TSHZ2: variants seen among roughly 807,000 people sequenced by gnomAD.
TSHZ2 encodes the protein teashirt zinc finger homeobox 2.
A neutral mutation model predicts 74.4 loss-of-function variants in TSHZ2; 21 were observed. That is an observed-to-expected ratio of 0.28 (90% CI 0.20 to 0.41). The LOEUF is 0.41. TSHZ2 is among the 10% of genes least tolerant of loss of function. The pLI, the probability that TSHZ2 is intolerant of heterozygous loss-of-function variation, is 1.00. For synonymous variants in TSHZ2, 540 were observed against 515.3 expected (o/e 1.05, Z -0.65); for missense variants, 1,244 against 1,293.5 (o/e 0.96, Z 0.59).
At chr20:53,394,435 C>T (rs1982369822) in intron 2 of TSHZ2, among the ~76,000 whole-genome samples, 1 of 152,216 alleles carries the variant, frequency 6.6e-6, no homozygotes, top group African/African-American at 2.4e-5. Flanking sequence ...AAGGTTGCTA[C>T]AGTTACAACT....
chr20:53,241,209 G>A (rs987503180), intron 1 of TSHZ2, among the ~76,000 whole-genome samples: 1 of 152,158 alleles, frequency 6.6e-6, no homozygotes, highest in African/African-American at 2.4e-5. Context: ...TCTCCAAACT[G>A]TCCATTCAAA....
chr20:53,103,548 G>C (rs1429649640), intron 1 of TSHZ2, among the ~76,000 whole-genome samples: 2 of 151,940 alleles, frequency 1.3e-5, no homozygotes, highest in Non-Finnish European at 2.9e-5. Context: ...GCTTCAGCTT[G>C]GTTTTGAAAC....
intron 1 of TSHZ2, among the ~76,000 whole-genome samples, chr20:53,019,434 G>T (rs1983155344): frequency 6.6e-6 from 1 of 152,122 alleles, no homozygotes; most frequent in Admixed American, 6.5e-5. Context: ...CTGGGACAAG[G>T]CTCAAACTTC....
intron 2 of TSHZ2, among the ~76,000 whole-genome samples, chr20:53,340,741 G>A (rs1980164372): frequency 6.6e-6 from 1 of 152,280 alleles, no homozygotes; most frequent in African/African-American, 2.4e-5. Flanking sequence ...TGAAGCTCCT[G>A]TAATGTAACA....
intron 2 of TSHZ2, among the ~76,000 whole-genome samples, chr20:53,440,546 G>T (rs1458333470): frequency 2.0e-5 from 3 of 152,094 alleles, no homozygotes; most frequent in Admixed American, 6.6e-5. Context: ...CTCAGGCATT[G>T]TTCTAAGTTC....
chr20:53,144,461 T>A (rs1468394399), intron 1 of TSHZ2, among the ~76,000 whole-genome samples: 4 of 152,204 alleles, frequency 2.6e-5, no homozygotes. Flanking sequence ...ACTGTAATAA[T>A]TTTCTCAGTT....
At chr20:53,349,885 C>T (rs1243143792) in intron 2 of TSHZ2, among the ~76,000 whole-genome samples, 1 of 152,144 alleles carries the variant, frequency 6.6e-6, no homozygotes, top group Non-Finnish European at 1.5e-5. Flanking sequence ...ATGTCAGCTT[C>T]GTAGAGAAAA....
intron 2 of TSHZ2, among the ~76,000 whole-genome samples, chr20:53,379,113 G>A (rs937287606): frequency 2.0e-5 from 3 of 152,208 alleles, no homozygotes; most frequent in Non-Finnish European, 4.4e-5. Context: ...CAGGCATGGT[G>A]GCACATGCCT....
rs1986479198 is a variant in TSHZ2 at position 53,492,651 on chromosome 20, A to T, written c.*5516A>T. On this transcript the variant is annotated 3_prime_UTR_variant, in exon 3 of 3. Coordinates refer to ENST00000371497, the MANE Select transcript of TSHZ2 (RefSeq NM_173485.6). The stretch of plus-strand genomic sequence containing the variant: ...CCCTTTAAAATCAAGAAGCTAGGTG[A>T]TCATACAGTCATTTCAATGGCCAAC... The T allele has an allele frequency of 6.6e-6, 1 of 152,210 alleles. No individual in the cohort carries two copies. The highest frequency in any genetic ancestry group is 1.5e-5 in the Non-Finnish European group (1 of 68,038). 9.4% of individuals were successfully genotyped at this position (152,210 alleles called of 1,614,324 possible). A position where few individuals can be genotyped will look rare whatever the true frequency, so the allele number is the denominator to read the frequency against.
At chr20:52,984,270 C>T (rs1202574702) in intron 1 of TSHZ2, among the ~76,000 whole-genome samples, 1 of 152,100 alleles carries the variant, frequency 6.6e-6, no homozygotes, top group Non-Finnish European at 1.5e-5. Context: ...CTTCCCGGAG[C>T]TTACATTGAG....
At chr20:53,005,704 G>C (rs1982617384) in intron 1 of TSHZ2, among the ~76,000 whole-genome samples, 1 of 152,194 alleles carries the variant, frequency 6.6e-6, no homozygotes, top group Non-Finnish European at 1.5e-5. Context: ...GAAGTATAAA[G>C]TAGAACAAAC....
chr20:53,168,798 C>G (rs1264274296), intron 1 of TSHZ2: 1 of 152,156 alleles, frequency 6.6e-6, no homozygotes, highest in South Asian at 2.1e-4. Flanking sequence ...TAACTGATGC[C>G]CATCACTTCT....
At chr20:53,126,189 C>G (rs1986942832) in intron 1 of TSHZ2, among the ~76,000 whole-genome samples, 1 of 152,214 alleles carries the variant, frequency 6.6e-6, no homozygotes, top group African/African-American at 2.4e-5. Context: ...CTCCTTGCAT[C>G]TAGATCTTTT....
intron 1 of TSHZ2, among the ~76,000 whole-genome samples, chr20:52,982,945 T>C (rs1243321403): frequency 6.6e-6 from 1 of 152,164 alleles, no homozygotes; most frequent in Non-Finnish European, 1.5e-5. Flanking sequence ...TAGTTGAACA[T>C]AGGTCCTGTT....
intron 1 of TSHZ2, among the ~76,000 whole-genome samples, chr20:53,161,129 G>GAAAAAA (rs1470010170): frequency 1.5e-4 from 3 of 20,022 alleles, no homozygotes; most frequent in African/African-American, 1.0e-3. Flanking sequence ...GTTATTTTCA[G>GAAAAAA]CAAAAAAAAA....
At chr20:53,434,484 A>G (rs1983967916) in intron 2 of TSHZ2, among the ~76,000 whole-genome samples, 2 of 152,236 alleles carry the variant, frequency 1.3e-5, no homozygotes, top group South Asian at 4.1e-4. Flanking sequence ...ACTAAGTACT[A>G]AACTATGTGG....
intron 1 of TSHZ2, among the ~76,000 whole-genome samples, chr20:53,086,587 T>C (rs1985706527): frequency 6.6e-6 from 1 of 152,278 alleles, no homozygotes; most frequent in Non-Finnish European, 1.5e-5. Context: ...ATGATGTATA[T>C]AGGGCAAATA....
chr20:52,975,423 C>T (rs768364268), intron 1 of TSHZ2, among the ~76,000 whole-genome samples: 1 of 152,144 alleles, frequency 6.6e-6, no homozygotes, highest in Non-Finnish European at 1.5e-5. Flanking sequence ...TCCAGGTGTA[C>T]GTAACATAAC....
intron 2 of TSHZ2, among the ~76,000 whole-genome samples, chr20:53,469,547 A>C (rs1050141956): frequency 2.2e-5 from 3 of 137,120 alleles, no homozygotes; most frequent in Admixed American, 1.6e-4. Flanking sequence ...CAAGAAAAGA[A>C]AGAAGGAGGG....
Sources: gnomAD v4.1 joint callset for allele counts (sites outside exome capture counted in the v4.1 genomes callset) on GRCh38, gnomAD v4.1.1 for gene constraint, MANE v1.5 for transcripts, NCBI Gene and HGNC (gene_info 2026-07-23, HGNC 2026-07-21) for gene names.